The following WFDC11 variants were observed in gnomAD, a reference collection of about 807,000 sequenced individuals.
WFDC11 encodes protein WFDC11.
WFDC11 carries 9 observed loss-of-function variants against 9.9 expected under a neutral mutation model. The ratio of observed to expected loss-of-function variants is 0.91; its 90% CI spans 0.55 to 1.58. WFDC11 has a LOEUF of 1.58. Ranked by LOEUF, WFDC11 falls within the 40% of genes most tolerant of loss-of-function variation. The pLI is 0.00. For missense variants in WFDC11, 106 were observed against 101.7 expected (o/e 1.04, Z -0.18); for synonymous variants, 32 against 33.3 (o/e 0.96, Z 0.13).
intron 2 of WFDC11, among the ~76,000 whole-genome samples, chr20:45,657,174 G>A (rs1175134771): frequency 1.3e-5 from 2 of 152,108 alleles, no homozygotes; most frequent in African/African-American, 4.8e-5. Context: ...CAAGGACTTG[G>A]AACCAAGCCA....
At chr20:45,649,908 TCTCA>T (rs1982764863) in intron 3 of WFDC11, among the ~76,000 whole-genome samples, 1 of 152,104 alleles carries the variant, frequency 6.6e-6, no homozygotes, top group African/African-American at 2.4e-5. Context: ...TTCTTATCTC[TCTCA>T]CTCAGTTTTC....
At chr20:45,652,200 C>T (rs1320802511) in intron 2 of WFDC11, among the ~76,000 whole-genome samples, 1 of 152,220 alleles carries the variant, frequency 6.6e-6, no homozygotes, top group African/African-American at 2.4e-5. Flanking sequence ...GGCAGACTGA[C>T]ACCTCACACA....
chr20:45,654,702 C>T (rs1002101225), intron 2 of WFDC11, among the ~76,000 whole-genome samples: 1 of 151,634 alleles, frequency 6.6e-6, no homozygotes, highest in African/African-American at 2.4e-5. Context: ...AATAAAGAAG[C>T]AAAGAGAGAA....
intron 2 of WFDC11, among the ~76,000 whole-genome samples, chr20:45,659,785 G>A (rs914755917): frequency 9.2e-5 from 14 of 152,254 alleles, no homozygotes; most frequent in African/African-American, 3.1e-4. Context: ...TGAAGCCTTT[G>A]CTCATCCCTA....
chr20:45,662,107 G>A (rs554212309), intron 2 of WFDC11, among the ~76,000 whole-genome samples: 2 of 152,164 alleles, frequency 1.3e-5, no homozygotes, highest in African/African-American at 4.8e-5. Flanking sequence ...GCAGTGATTT[G>A]TGGTTCTCCT....
intron 2 of WFDC11, among the ~76,000 whole-genome samples, chr20:45,665,481 TGGA>T (rs1983168791): frequency 6.6e-6 from 1 of 152,256 alleles, no homozygotes; most frequent in Non-Finnish European, 1.5e-5. Context: ...TGCGATCATT[TGGA>T]GGAGAAGAGG....
chr20:45,659,651 G>A (rs748956542), intron 2 of WFDC11, among the ~76,000 whole-genome samples: 2 of 152,032 alleles, frequency 1.3e-5, no homozygotes, highest in Non-Finnish European at 2.9e-5. Context: ...ATTTTTCTCC[G>A]ATTCTGTAGG....
At chr20:45,652,309 AC>A (rs1247534829) in intron 2 of WFDC11, among the ~76,000 whole-genome samples, 1 of 152,168 alleles carries the variant, frequency 6.6e-6, no homozygotes, top group African/African-American at 2.4e-5. Flanking sequence ...CACTGCTGAT[AC>A]CCAGGCAAAC....
In WFDC11 at chr20:45,660,233, C is replaced by T. The variant is rs555898464; in HGVS notation, c.-52+6855G>A. 2.6e-4 allele frequency among the ~76,000 whole-genome samples: 39 copies of T among 152,036 alleles called. No individual in the cohort carries two copies. The South Asian group carries it at 7.7e-3, about 30-fold the overall frequency. ...GTTGTGTCACTATTGTTGTTAAGTT[C>T]GAATAATTTTTTAATTTCCATCTTG... On this transcript the variant is annotated intron_variant, in intron 2 of 4. Coordinates refer to ENST00000324384, the MANE Select transcript of WFDC11 (RefSeq NM_147197.2).
chr20:45,667,987 A>G (rs909039782), intron 1 of WFDC11, among the ~76,000 whole-genome samples: 1 of 152,236 alleles, frequency 6.6e-6, no homozygotes, highest in Non-Finnish European at 1.5e-5. Flanking sequence ...AGTGCTAAAT[A>G]TTTATATTTT....
Position 45,648,642 on chromosome 20 carries a change from G to C in WFDC11, c.*77C>G. 1 of 1,493,434 alleles carries C rather than the reference G, an allele frequency of 6.7e-7. No individual in the cohort carries two copies. 92.5% of individuals were successfully genotyped at this position (1,493,434 alleles called of 1,614,324 possible). ...AAATAGACTGGTGTTCCTAAAAGTA[G>C]CCACAGGGTACTACTATGAGACCTC... On this transcript the variant is annotated 3_prime_UTR_variant, in exon 5 of 5. Transcript: ENST00000324384.
intron 2 of WFDC11, among the ~76,000 whole-genome samples, chr20:45,663,965 G>A (rs557484182): frequency 6.6e-6 from 1 of 152,146 alleles, no homozygotes; most frequent in Non-Finnish European, 1.5e-5. Context: ...CTGAGTTCAA[G>A]TCCTGGATAT....
chr20:45,651,181 A>G (rs1053591832), intron 2 of WFDC11, among the ~76,000 whole-genome samples: 13 of 152,190 alleles, frequency 8.5e-5, no homozygotes, highest in African/African-American at 2.7e-4. Flanking sequence ...GTTTGAACAA[A>G]ATTCTTTTTG....
intron 2 of WFDC11, among the ~76,000 whole-genome samples, chr20:45,658,795 A>G (rs375195294): frequency 6.6e-6 from 1 of 152,138 alleles, no homozygotes; most frequent in African/African-American, 2.4e-5. Context: ...ATAGGTATAC[A>G]CGTGCCATGG....
chr20:45,669,013 A>G (rs1568665187), intron 1 of WFDC11, among the ~76,000 whole-genome samples: 1 of 152,152 alleles, frequency 6.6e-6, no homozygotes, highest in Non-Finnish European at 1.5e-5. Flanking sequence ...CAACAAAGAA[A>G]TGGTCTGAAA....
At chr20:45,664,182 C>T (rs1417422009) in intron 2 of WFDC11, among the ~76,000 whole-genome samples, 1 of 152,128 alleles carries the variant, frequency 6.6e-6, no homozygotes, top group Non-Finnish European at 1.5e-5. Flanking sequence ...TATGTAATGG[C>T]CTTGTCTCTT....
At chr20:45,652,861 G>A (rs1408946496) in intron 2 of WFDC11, among the ~76,000 whole-genome samples, 2 of 152,180 alleles carry the variant, frequency 1.3e-5, no homozygotes, top group Non-Finnish European at 2.9e-5. Flanking sequence ...ATGAAATGAA[G>A]CGAGAAGAGA....
intron 1 of WFDC11, among the ~76,000 whole-genome samples, chr20:45,669,005 A>G (rs1454643007): frequency 1.3e-5 from 2 of 152,146 alleles, no homozygotes; most frequent in African/African-American, 2.4e-5. Context: ...ACTTGCACCA[A>G]CAAAGAAATG....
At chr20:45,650,211 T>C (rs76512839) in intron 3 of WFDC11, among the ~76,000 whole-genome samples, 82 of 150,602 alleles carry the variant, frequency 5.4e-4, no homozygotes, top group Middle Eastern at 3.4e-3. Context: ...ATGGTATATA[T>C]ACACACACAC....
Sources: gnomAD v4.1 joint callset for allele counts (sites outside exome capture counted in the v4.1 genomes callset) on GRCh38, gnomAD v4.1.1 for gene constraint, MANE v1.5 for transcripts, NCBI Gene and HGNC (gene_info 2026-07-23, HGNC 2026-07-21) for gene names.